Variants in PLCH1 observed in about 807,000 individuals in gnomAD.
PLCH1 encodes phospholipase C eta 1.
A neutral mutation model predicts 126.7 loss-of-function variants in PLCH1; 60 were observed. The observed-to-expected ratio is 0.47, with a 90% CI of 0.38 to 0.59. PLCH1 has a LOEUF of 0.59. Among genes scored for constraint, PLCH1 ranks in the 20% least tolerant of loss-of-function variants. The probability of loss-of-function intolerance (pLI) is 0.00; values close to 1 mark genes in which losing one functional copy is unlikely to be tolerated. For missense variants in PLCH1, 1,723 were observed against 2,040.0 expected (o/e 0.84, Z 2.99); for synonymous variants, 719 against 734.9 (o/e 0.98, Z 0.35).
rs551572526 is a variant in PLCH1, at chr3:155,597,171, G to T, written c.80-793C>A. Among the ~76,000 whole-genome samples the T allele has an allele frequency of 3.4e-4, 51 of 152,124 alleles. 1 individual carries two copies. Among genetic ancestry groups the T allele is most frequent in the African/African-American group, 1.2e-3 (51 of 41,490 alleles). ...AGAAACATCCTCTACCATTTTGTGT[G>T]CCTTTGATGGCCTGCCAATCACCCC... On this transcript the variant is annotated intron_variant, in intron 2 of 22. Coordinates refer to ENST00000460012, the MANE Select transcript of PLCH1 (RefSeq NM_014996.4).
At chr3:155,460,742 T>C (rs1212183402) in intron 21 of PLCH1, among the ~76,000 whole-genome samples, 5 of 151,576 alleles carry the variant, frequency 3.3e-5, no homozygotes, top group Non-Finnish European at 5.9e-5. Flanking sequence ...TACACACAAA[T>C]ACACAAAGAT....
At chr3:155,724,167 G>A (rs561683744) in intron 1 of PLCH1, among the ~76,000 whole-genome samples, 2 of 152,142 alleles carry the variant, frequency 1.3e-5, no homozygotes, top group African/African-American at 4.8e-5. Flanking sequence ...CCTATTATAT[G>A]GTTTATCTTA....
chr3:155,662,633 A>C (rs1341013334), intron 2 of PLCH1, among the ~76,000 whole-genome samples: 1 of 151,782 alleles, frequency 6.6e-6, no homozygotes, highest in African/African-American at 2.4e-5. Flanking sequence ...TTTTTCTTAG[A>C]TTATTATTGC....
intron 17 of PLCH1, among the ~76,000 whole-genome samples, chr3:155,493,375 T>C (rs1576818659): frequency 6.6e-6 from 1 of 152,314 alleles, no homozygotes; most frequent in East Asian, 1.9e-4. Context: ...TCTAACACAT[T>C]ATCCTTTTTT....
chr3:155,655,885 C>G (rs73156548), intron 2 of PLCH1, among the ~76,000 whole-genome samples: 1 of 151,854 alleles, frequency 6.6e-6, no homozygotes. Flanking sequence ...TTTTAAAATG[C>G]AAATTCTTTG....
At chr3:155,639,682 CTA>C (rs924575275) in intron 2 of PLCH1, among the ~76,000 whole-genome samples, 5 of 152,192 alleles carry the variant, frequency 3.3e-5, no homozygotes, top group Non-Finnish European at 7.3e-5. Flanking sequence ...TCAGGAGAGC[CTA>C]TCTTACTCTA....
intron 4 of PLCH1, among the ~76,000 whole-genome samples, chr3:155,588,197 T>C (rs1204370731): frequency 2.0e-5 from 3 of 152,232 alleles, no homozygotes; most frequent in African/African-American, 7.2e-5. Context: ...CCTTATTTCA[T>C]ATTTTTTCCC....
intron 2 of PLCH1, among the ~76,000 whole-genome samples, chr3:155,703,758 G>A (rs1189644614): frequency 2.6e-5 from 4 of 152,160 alleles, no homozygotes; most frequent in African/African-American, 9.7e-5. Flanking sequence ...AATTTGGAAG[G>A]CCATGCTATG....
intron 21 of PLCH1, among the ~76,000 whole-genome samples, chr3:155,465,453 C>G (rs1712893320): frequency 6.6e-6 from 1 of 151,976 alleles, no homozygotes; most frequent in Admixed American, 6.5e-5. Flanking sequence ...CTGAAGAGTA[C>G]TTGGACCCCA....
chr3:155,468,356 C>T (rs554687107), intron 21 of PLCH1, among the ~76,000 whole-genome samples: 31 of 152,204 alleles, frequency 2.0e-4, no homozygotes, highest in African/African-American at 7.5e-4. Context: ...GAGAAGACCA[C>T]AAAACAACCA....
intron 10 of PLCH1, among the ~76,000 whole-genome samples, chr3:155,535,486 T>C (rs1723230479): frequency 2.0e-5 from 3 of 152,132 alleles, no homozygotes; most frequent in Non-Finnish European, 1.5e-5. Context: ...GAGTGGGAAC[T>C]AGGTGAGGCC....
chr3:155,585,702 A>T (rs910947534), intron 5 of PLCH1, among the ~76,000 whole-genome samples: 33 of 152,176 alleles, frequency 2.2e-4, no homozygotes, highest in Non-Finnish European at 4.4e-5. Context: ...TTGAGGTTTT[A>T]GACAAGGGCT....
At chr3:155,650,496 C>T (rs1424172235) in intron 2 of PLCH1, among the ~76,000 whole-genome samples, 1 of 152,080 alleles carries the variant, frequency 6.6e-6, no homozygotes, top group Non-Finnish European at 1.5e-5. Flanking sequence ...ACTTGGGAGT[C>T]TAGAATTAGC....
chr3:155,603,955 C>T (rs970391406), intron 2 of PLCH1, among the ~76,000 whole-genome samples: 7 of 152,066 alleles, frequency 4.6e-5, no homozygotes, highest in Middle Eastern at 3.4e-3. Context: ...AAAAATTAAC[C>T]AGGTCTCGTG....
intron 21 of PLCH1, among the ~76,000 whole-genome samples, chr3:155,471,949 G>A (rs1303061560): frequency 6.6e-6 from 1 of 151,964 alleles, no homozygotes; most frequent in Non-Finnish European, 1.5e-5. Flanking sequence ...GAAATTTATA[G>A]CACTAAATGC....
chr3:155,648,415 C>T (rs1740301490), intron 2 of PLCH1, among the ~76,000 whole-genome samples: 1 of 152,144 alleles, frequency 6.6e-6, no homozygotes, highest in Admixed American at 6.5e-5. Context: ...TGTTTACGAG[C>T]TTCTGGTCTT....
At chr3:155,604,341 A>T (rs1335420371) in intron 2 of PLCH1, among the ~76,000 whole-genome samples, 1 of 152,176 alleles carries the variant, frequency 6.6e-6, no homozygotes, top group Non-Finnish European at 1.5e-5. Context: ...CTAAGTCATG[A>T]TTCTTCCCAG....
At chr3:155,722,606 T>C (rs1748035949) in intron 1 of PLCH1, among the ~76,000 whole-genome samples, 1 of 152,246 alleles carries the variant, frequency 6.6e-6, no homozygotes, top group African/African-American at 2.4e-5. Flanking sequence ...TAATTCTGTT[T>C]ATGTGGTGTA....
intron 1 of PLCH1, among the ~76,000 whole-genome samples, chr3:155,738,274 G>T (rs975030354): frequency 2.0e-5 from 3 of 152,146 alleles, no homozygotes; most frequent in Admixed American, 2.0e-4. Context: ...TTTTCTTCTA[G>T]CCTGGAGTCA....
Sources: allele counts gnomAD v4.1 joint callset (sites outside exome capture counted in the v4.1 genomes callset), GRCh38; gene constraint gnomAD v4.1.1; transcripts MANE v1.5; gene names NCBI Gene and HGNC (gene_info 2026-07-23, HGNC 2026-07-21).